PI4K2B: variants seen among roughly 807,000 people sequenced by gnomAD.
The protein encoded by PI4K2B is phosphatidylinositol 4-kinase type 2-beta.
A neutral mutation model predicts 56.6 loss-of-function variants in PI4K2B; 46 were observed. The ratio of observed to expected loss-of-function variants is 0.81; its 90% CI spans 0.64 to 1.04. PI4K2B has a LOEUF of 1.04. Ranked by LOEUF, PI4K2B falls within the 50% of genes least tolerant of loss-of-function variation. The pLI is 0.00. For synonymous variants in PI4K2B, 211 were observed against 223.8 expected (o/e 0.94, Z 0.51); for missense variants, 556 against 607.7 (o/e 0.91, Z 0.89).
chr4:25,239,315 G>A (rs1397920992), intron 1 of PI4K2B, among the ~76,000 whole-genome samples: 1 of 152,102 alleles, frequency 6.6e-6, no homozygotes, highest in African/African-American at 2.4e-5. Flanking sequence ...GGGGAGGCTC[G>A]GGCTGTGCAG....
rs953770382 is a variant in PI4K2B, at chr4:25,278,260, A to G, written c.*1073A>G. 5.3e-5 allele frequency: 8 copies of G among 152,234 alleles called. No homozygotes were observed. The highest frequency in any genetic ancestry group is 1.4e-4 in the African/African-American group (6 of 41,474). The allele number at this position is 152,234 out of a possible 1,614,324, so 9.4% of individuals were successfully genotyped here. A position where few individuals can be genotyped will look rare whatever the true frequency, so the allele number is the denominator to read the frequency against. ...TTGTACTTTATTTTGAATATCATCC[A>G]TATGTCTGACATTATTGGAATTTGT... On this transcript the variant is annotated 3_prime_UTR_variant, in exon 10 of 10. Transcript: ENST00000264864.
intron 1 of PI4K2B, among the ~76,000 whole-genome samples, chr4:25,241,681 A>T (rs1234391411): frequency 1.3e-5 from 2 of 152,158 alleles, no homozygotes; most frequent in Non-Finnish European, 2.9e-5. Context: ...TGACACCAAG[A>T]CGGCCACTGC....
intron 9 of PI4K2B, among the ~76,000 whole-genome samples, chr4:25,270,859 C>G (rs1320105539): frequency 6.6e-6 from 1 of 152,194 alleles, no homozygotes; most frequent in African/African-American, 2.4e-5. Context: ...TTAACATTCT[C>G]TTCCTAAAAT....
chr4:25,234,123 G>T lies in PI4K2B; in HGVS notation c.-41G>T. 7.8e-7 allele frequency: 1 copy of T among 1,286,004 alleles called. No individual in the cohort carries two copies. Among genetic ancestry groups the T allele is most frequent in the Non-Finnish European group, 9.9e-7 (1 of 1,013,024 alleles). The allele number at this position is 1,286,004 out of a possible 1,614,324, so 79.7% of individuals were successfully genotyped here. A position where few individuals can be genotyped will look rare whatever the true frequency, so the allele number is the denominator to read the frequency against. ...AGAGCCCAGTCTCTGGCACCTGGCTGCTCTGATCTGGTCTCAGCGCGGAGG... is the reference window on the plus strand; with the variant it reads ...AGAGCCCAGTCTCTGGCACCTGGCTTCTCTGATCTGGTCTCAGCGCGGAGG... On this transcript the variant is annotated 5_prime_UTR_variant, in exon 1 of 10. Transcript: ENST00000264864.
chr4:25,265,695 T>G (rs1252026170), intron 7 of PI4K2B, among the ~76,000 whole-genome samples: 1 of 152,256 alleles, frequency 6.6e-6, no homozygotes, highest in African/African-American at 2.4e-5. Flanking sequence ...TGTTCATTGT[T>G]ATTTTCCAGC....
intron 1 of PI4K2B, among the ~76,000 whole-genome samples, chr4:25,239,771 G>A (rs934164027): frequency 2.0e-5 from 3 of 152,230 alleles, no homozygotes; most frequent in African/African-American, 2.4e-5. Context: ...GGGCTGCAAG[G>A]GCTACCAGCA....
chr4:25,242,966 C>T (rs894273269), intron 1 of PI4K2B, among the ~76,000 whole-genome samples: 4 of 152,280 alleles, frequency 2.6e-5, no homozygotes, highest in Middle Eastern at 6.8e-3. Flanking sequence ...TCAGGCATAA[C>T]AAGAAATGCA....
At chr4:25,250,023 G>C (rs1021687819) in intron 1 of PI4K2B, among the ~76,000 whole-genome samples, 14 of 152,198 alleles carry the variant, frequency 9.2e-5, no homozygotes, top group Non-Finnish European at 1.0e-4. Flanking sequence ...CTGGAGACCA[G>C]CCCGGCCAAC....
intron 1 of PI4K2B, among the ~76,000 whole-genome samples, chr4:25,240,274 C>T (rs1048284437): frequency 2.0e-5 from 3 of 152,196 alleles, no homozygotes; most frequent in Admixed American, 1.3e-4. Context: ...GGTGCAGAGT[C>T]CTTTCTCAGC....
intron 1 of PI4K2B, among the ~76,000 whole-genome samples, chr4:25,244,781 C>G (rs1264138233): frequency 2.0e-5 from 3 of 152,000 alleles, no homozygotes; most frequent in African/African-American, 7.3e-5. Flanking sequence ...CTCACTGACG[C>G]AGCAGCAGAA....
intron 1 of PI4K2B, among the ~76,000 whole-genome samples, chr4:25,240,272 G>A (rs1715458895): frequency 1.3e-5 from 2 of 152,208 alleles, no homozygotes; most frequent in East Asian, 3.8e-4. Flanking sequence ...AAGGTGCAGA[G>A]TCCTTTCTCA....
intron 1 of PI4K2B, among the ~76,000 whole-genome samples, chr4:25,237,553 A>G (rs1715319201): frequency 2.0e-5 from 3 of 152,120 alleles, no homozygotes; most frequent in African/African-American, 4.8e-5. Context: ...TTTAGTAGAA[A>G]CGGGGTTTCA....
chr4:25,234,111 T>C lies in PI4K2B; in HGVS notation c.-53T>C, dbSNP rs1176257354. ...TCCGCGCCATGCAGAGCCCAGTCTCTGGCACCTGGCTGCTCTGATCTGGTC... is the reference window on the plus strand; with the variant it reads ...TCCGCGCCATGCAGAGCCCAGTCTCCGGCACCTGGCTGCTCTGATCTGGTC... On this transcript the variant is annotated 5_prime_UTR_variant, in exon 1 of 10. Transcript: ENST00000264864. 1 of 1,247,876 alleles carries C rather than the reference T, an allele frequency of 8.0e-7. No individual in the cohort carries two copies. The allele number at this position is 1,247,876 out of a possible 1,614,324, so 77.3% of individuals were successfully genotyped here. A position where few individuals can be genotyped will look rare whatever the true frequency, so the allele number is the denominator to read the frequency against.
At chr4:25,264,384 T>G (rs1716588411) in intron 7 of PI4K2B, among the ~76,000 whole-genome samples, 1 of 152,314 alleles carries the variant, frequency 6.6e-6, no homozygotes, top group South Asian at 2.1e-4. Flanking sequence ...TAGAATTCTC[T>G]TATAATTAAA....
chr4:25,267,340 G>A (rs313543), intron 7 of PI4K2B, among the ~76,000 whole-genome samples: 111,302 of 152,230 alleles, frequency 0.73, 41,806 homozygotes, highest in Non-Finnish European at 0.82. Flanking sequence ...GTGAGCCAGG[G>A]GAAATGCTTT....
Position 25,240,873 on chromosome 4 carries a change from CCTT to C in PI4K2B, c.268+6445_268+6447del, listed in dbSNP as rs532653400. Among the ~76,000 whole-genome samples the C allele has an allele frequency of 6.3e-3, 953 of 152,186 alleles. 3 individuals carry two copies. The highest frequency in any genetic ancestry group is 0.011 in the Admixed American group (172 of 15,284). On this transcript the variant is annotated intron_variant, in intron 1 of 9. Coordinates refer to ENST00000264864, the MANE Select transcript of PI4K2B (RefSeq NM_018323.4). ...TCTCTGTTTCTTCCTCTCTCTGTCT[CCTT>C]CTCTTTGTCTCTCTGTTTCTGTCTC...
chr4:25,243,731 G>T (rs1177376637), intron 1 of PI4K2B, among the ~76,000 whole-genome samples: 1 of 152,208 alleles, frequency 6.6e-6, no homozygotes, highest in African/African-American at 2.4e-5. Context: ...GAGGAAGGCA[G>T]AAGGATTTTC....
chr4:25,252,892 T>C (rs905078064), intron 2 of PI4K2B, among the ~76,000 whole-genome samples: 1 of 152,106 alleles, frequency 6.6e-6, no homozygotes, highest in African/African-American at 2.4e-5. Context: ...AGATTACAGG[T>C]GTGAGCCACT....
At chr4:25,272,438 GATA>G (rs1475787763) in intron 9 of PI4K2B, among the ~76,000 whole-genome samples, 2 of 152,150 alleles carry the variant, frequency 1.3e-5, no homozygotes, top group African/African-American at 4.8e-5. Context: ...AGCCAAAAAA[GATA>G]ATATGTCCTG....
Sources: allele counts gnomAD v4.1 joint callset (sites outside exome capture counted in the v4.1 genomes callset), GRCh38; gene constraint gnomAD v4.1.1; transcripts MANE v1.5; gene names NCBI Gene and HGNC (gene_info 2026-07-23, HGNC 2026-07-21).